The following EMCN variants were observed in gnomAD, a reference collection of about 807,000 sequenced individuals.
The protein encoded by EMCN is MUC-14.
EMCN carries 37 observed loss-of-function variants against 38.4 expected under a neutral mutation model. The ratio of observed to expected loss-of-function variants is 0.96; its 90% CI spans 0.74 to 1.27. The LOEUF is 1.27. EMCN is among the 50% of genes most tolerant of loss of function. EMCN has a pLI of 0.00. For synonymous variants in EMCN, 95 were observed against 100.8 expected, an observed-to-expected ratio of 0.94 and a Z score of 0.35; for missense variants, 318 against 302.8, an observed-to-expected ratio of 1.05 and a Z score of -0.37.
chr4:100,508,370 A>T (rs899999380), intron 1 of EMCN, among the ~76,000 whole-genome samples: 1 of 152,162 alleles, frequency 6.6e-6, no homozygotes, highest in African/African-American at 2.4e-5. Context: ...TGCCAAATAT[A>T]TTCTTTTTTT....
intron 4 of EMCN, among the ~76,000 whole-genome samples, chr4:100,461,416 A>G (rs1728175124): frequency 6.6e-6 from 1 of 152,176 alleles, no homozygotes; most frequent in African/African-American, 2.4e-5. Flanking sequence ...AAATTTCATG[A>G]TAGCATGGTC....
chr4:100,484,339 A>G (rs980600544), intron 1 of EMCN, among the ~76,000 whole-genome samples: 10 of 152,166 alleles, frequency 6.6e-5, no homozygotes, highest in Admixed American at 6.6e-4. Flanking sequence ...TTCAAATGAT[A>G]AAGTCATCTA....
At chr4:100,481,330 T>C (rs189055407) in intron 1 of EMCN, among the ~76,000 whole-genome samples, 1 of 152,254 alleles carries the variant, frequency 6.6e-6, no homozygotes, top group African/African-American at 2.4e-5. Context: ...TCAAATGTCA[T>C]GACATAGAGA....
chr4:100,461,965 C>T lies in EMCN; in HGVS notation c.376+3458G>A, dbSNP rs969241212. 5.3e-5 allele frequency among the ~76,000 whole-genome samples: 8 copies of T among 151,994 alleles called. No individual in the cohort carries two copies. The East Asian group carries it at 9.6e-4, about 18-fold the overall frequency. ...CCTAACAGTGTTTATGTGTGATGGG[C>T]GGAAAGGGAGTGGTGCTCTGCTAAC... On this transcript the variant is annotated intron_variant, in intron 4 of 11. Transcript: ENST00000296420.
intron 1 of EMCN, among the ~76,000 whole-genome samples, chr4:100,494,802 C>A: frequency 6.7e-6 from 1 of 149,930 alleles, no homozygotes; most frequent in South Asian, 2.1e-4. Flanking sequence ...TTTTTTGCCC[C>A]AAGAGTATGG....
chr4:100,478,866 G>A (rs140124855), intron 2 of EMCN, among the ~76,000 whole-genome samples: 1 of 152,244 alleles, frequency 6.6e-6, no homozygotes, highest in East Asian at 1.9e-4. Flanking sequence ...GAGTGTGTGT[G>A]TGTATGTGTG....
rs190918189 is a variant in EMCN at position 100,395,742 on chromosome 4, C to G, written c.*2671G>C. The G allele has an allele frequency of 2.2e-4, 34 of 152,238 alleles. No homozygotes were observed. In the East Asian group the frequency reaches 5.8e-3, roughly 26 times the overall value. 9.4% of individuals were successfully genotyped at this position (152,238 alleles called of 1,614,324 possible). A position where few individuals can be genotyped will look rare whatever the true frequency, so the allele number is the denominator to read the frequency against. On this transcript the variant is annotated 3_prime_UTR_variant, in exon 12 of 12. Coordinates refer to ENST00000296420, the MANE Select transcript of EMCN (RefSeq NM_016242.4). ...TGGTAGGTAGAAAAGAAATAACACA[C>G]AGATTTGTCAACCATATGTAACAGA...
intron 3 of EMCN, among the ~76,000 whole-genome samples, chr4:100,469,611 G>C (rs1190009129): frequency 8.1e-5 from 5 of 61,374 alleles, no homozygotes; most frequent in South Asian, 5.7e-4. Context: ...TTTGAATATG[G>C]TGTAAAGAAG....
chr4:100,517,417 A>C (rs3816056), intron 1 of EMCN, among the ~76,000 whole-genome samples: 57,026 of 151,890 alleles, frequency 0.38, 11,319 homozygotes, highest in East Asian at 0.75. Context: ...GCTGAAAAAT[A>C]GTTGGGAAAA....
chr4:100,500,657 T>C (rs182864373), intron 1 of EMCN, among the ~76,000 whole-genome samples: 2 of 152,238 alleles, frequency 1.3e-5, no homozygotes, highest in Admixed American at 6.5e-5. Context: ...TGGCAACATA[T>C]TGAGGCATTG....
chr4:100,489,990 A>G (rs1729036030), intron 1 of EMCN, among the ~76,000 whole-genome samples: 1 of 152,194 alleles, frequency 6.6e-6, no homozygotes, highest in African/African-American at 2.4e-5. Flanking sequence ...GAGTTCCTTC[A>G]TTAGGTATTT....
chr4:100,472,809 G>A (rs189800474), intron 3 of EMCN, among the ~76,000 whole-genome samples: 11 of 151,946 alleles, frequency 7.2e-5, no homozygotes, highest in Non-Finnish European at 1.5e-4. Context: ...AGATTCGGGA[G>A]TCCAGAAAAA....
intron 1 of EMCN, among the ~76,000 whole-genome samples, chr4:100,505,067 A>G (rs1245380167): frequency 6.6e-6 from 1 of 152,236 alleles, no homozygotes; most frequent in Non-Finnish European, 1.5e-5. Context: ...TTCGGCTGCC[A>G]GGCAGGGAAG....
chr4:100,482,266 G>T (rs1359778091), intron 1 of EMCN, among the ~76,000 whole-genome samples: 2 of 151,910 alleles, frequency 1.3e-5, no homozygotes, highest in Non-Finnish European at 2.9e-5. Flanking sequence ...AAATAATAGG[G>T]TAAGTATTGT....
At chr4:100,515,650 C>G (rs1246626091) in intron 1 of EMCN, among the ~76,000 whole-genome samples, 1 of 152,014 alleles carries the variant, frequency 6.6e-6, no homozygotes, top group Non-Finnish European at 1.5e-5. Context: ...GAATTTAAGG[C>G]AGATGAAATG....
chr4:100,463,185 G>A (rs1728227557), intron 4 of EMCN, among the ~76,000 whole-genome samples: 1 of 152,126 alleles, frequency 6.6e-6, no homozygotes, highest in Admixed American at 6.5e-5. Context: ...GGGAGTTCTA[G>A]CTTCTACTTG....
intron 11 of EMCN, among the ~76,000 whole-genome samples, chr4:100,403,283 G>A (rs931332138): frequency 3.9e-5 from 6 of 152,034 alleles, no homozygotes; most frequent in African/African-American, 2.4e-5. Context: ...TTAGAAATGC[G>A]AAGATAAAGT....
chr4:100,500,454 T>C (rs1729321626), intron 1 of EMCN, among the ~76,000 whole-genome samples: 1 of 152,112 alleles, frequency 6.6e-6, no homozygotes, highest in South Asian at 2.1e-4. Flanking sequence ...GATTAAAAAA[T>C]AGAATATTAC....
In EMCN at chr4:100,421,283, C is replaced by T. The variant is rs766271803; in HGVS notation, c.663G>A (p.Pro221=). ...GLYRMCWKAD[P]GTPENGNDQP... ...ACAAAACAAAACACTGTTACCTACCCGGATCTGCCTTCCAGCACATTCGGT... is the reference window on the plus strand; with the variant it reads ...ACAAAACAAAACACTGTTACCTACCTGGATCTGCCTTCCAGCACATTCGGT... The change falls in exon 8 of 12, where the codon CCG becomes CCA. Residue 221 remains proline, a splice_region_variant and synonymous_variant. Coordinates refer to ENST00000296420, the MANE Select transcript of EMCN (RefSeq NM_016242.4). 5.6e-6 allele frequency: 9 copies of T among 1,612,036 alleles called. No homozygotes were observed. The highest frequency in any genetic ancestry group is 1.7e-5 in the Admixed American group (1 of 59,870).
Sources: gnomAD v4.1 joint callset for allele counts (sites outside exome capture counted in the v4.1 genomes callset) on GRCh38, gnomAD v4.1.1 for gene constraint, MANE v1.5 for transcripts, NCBI Gene and HGNC (gene_info 2026-07-23, HGNC 2026-07-21) for gene names.